Variants in DDX43 observed in about 807,000 individuals in gnomAD.
DDX43 encodes probable ATP-dependent RNA helicase DDX43.
Under a neutral mutation model 84.9 loss-of-function variants are expected in DDX43, and 50 were observed. The observed-to-expected ratio is 0.59, with a 90% CI of 0.47 to 0.75. The LOEUF is 0.75. DDX43 is among the 30% of genes least tolerant of loss of function. The probability of loss-of-function intolerance (pLI) is 0.00; values close to 1 mark genes in which losing one functional copy is unlikely to be tolerated. For missense variants in DDX43, 689 were observed against 798.6 expected (o/e 0.86, Z 1.65); for synonymous variants, 291 against 266.3 (o/e 1.09, Z -0.90).
At chr6:73,408,642 C>T (rs6927623) in intron 9 of DDX43, among the ~76,000 whole-genome samples, 21,512 of 151,518 alleles carry the variant, frequency 0.14, 1,757 homozygotes, top group Non-Finnish European at 0.19. Flanking sequence ...CTGCAACCTT[C>T]GCCTCCCAGG....
rs1390810824 is a variant in DDX43, at chr6:73,410,123, C to T, written c.1280+775C>T. Among the ~76,000 whole-genome samples, 5 of 152,118 alleles carry T rather than the reference C, an allele frequency of 3.3e-5. No individual in the cohort carries two copies. The East Asian group carries it at 7.7e-4, about 23-fold the overall frequency. ...TAAAATTTAAAAAATACAAAATCCC[C>T]TCACATAGTTTTATTACAAATAACC... On this transcript the variant is annotated intron_variant, in intron 10 of 16. Coordinates refer to ENST00000370336, the MANE Select transcript of DDX43 (RefSeq NM_018665.3).
At position 73,408,079 on chromosome 6, in the gene DDX43, A is replaced by G. The variant is rs765792006; in HGVS notation, c.1157A>G (p.Asn386Ser). 9 of 1,613,970 alleles carry G rather than the reference A, an allele frequency of 5.6e-6. No homozygotes were observed. Among genetic ancestry groups the G allele is most frequent in the Admixed American group, 1.7e-5 (1 of 59,998 alleles). Residue 386 changes from asparagine to serine, a missense_variant, in exon 9 of 17, where the codon AAT becomes AGT. Asn to Ser is a conservative substitution (Grantham distance 46). Around this residue, in one of 2 missense-constraint regions of DDX43, gnomAD observed 552 missense variants for 692.7 expected, o/e 0.80. Coordinates refer to ENST00000370336, the MANE Select transcript of DDX43 (RefSeq NM_018665.3). ...GATCTGCAAATGAGTAACTTCGTCAATCTGAAGAATATAACCTACTTGGTA... is the reference window on the plus strand; with the variant it reads ...GATCTGCAAATGAGTAACTTCGTCAGTCTGAAGAATATAACCTACTTGGTA... ...LNDLQMSNFV[N>S]LKNITYLVLD... is the part of the protein sequence containing the mutation.
intron 4 of DDX43, 137 bp downstream of exon 4, chr6:73,402,127 C>T: frequency 1.8e-6 from 2 of 1,084,324 alleles, no homozygotes; most frequent in Non-Finnish European, 1.3e-6. Context: ...GCAATTAGTC[C>T]CTAGGTTATG....
At position 73,415,483 on chromosome 6, in the gene DDX43, C is replaced by T. The variant is rs778363367; in HGVS notation, c.1746-14C>T. On this transcript the variant is annotated splice_polypyrimidine_tract_variant and intron_variant, in intron 14 of 16. Coordinates refer to ENST00000370336, the MANE Select transcript of DDX43 (RefSeq NM_018665.3). ...GAATAATGAATACATGAGTTTTTTT[C>T]CCCCACACTAAAGGAGGACTGGTGT... 2 of 1,588,574 alleles carry T rather than the reference C, an allele frequency of 1.3e-6. No homozygotes were observed. The highest frequency in any genetic ancestry group is 1.7e-5 in the Admixed American group (1 of 58,010).
intron 9 of DDX43, among the ~76,000 whole-genome samples, chr6:73,408,586 T>C (rs556902892): frequency 7.9e-4 from 120 of 152,212 alleles, no homozygotes; most frequent in Middle Eastern, 6.8e-3. Context: ...GACACAGTTT[T>C]GCTCTTGTTG....
intron 8 of DDX43, 122 bp downstream of exon 8, chr6:73,407,737 C>A: frequency 1.2e-6 from 1 of 811,468 alleles, no homozygotes; most frequent in Non-Finnish European, 2.0e-6. Context: ...ATGGGTCAGG[C>A]ATTTAGCACT....
chr6:73,398,847 T>A (rs1769518618), intron 2 of DDX43, among the ~76,000 whole-genome samples: 1 of 152,238 alleles, frequency 6.6e-6, no homozygotes, highest in South Asian at 2.1e-4. Context: ...CTTGTACTTC[T>A]CAAGGGGAAT....
intron 1 of DDX43, among the ~76,000 whole-genome samples, chr6:73,396,966 CTA>C (rs1769485628): frequency 6.6e-6 from 1 of 152,044 alleles, no homozygotes; most frequent in Non-Finnish European, 1.5e-5. Flanking sequence ...ATTAATCAGT[CTA>C]TGATAAATGG....
rs143446956 is a variant in DDX43 at position 73,401,998 on chromosome 6, C to G, written c.568+8C>G. Reference sequence around the variant, plus strand: ...AAAAAACAAAGTGGGCAGGTCAGTGCTGCTTCCTAATATTTACATATATTG... The same window carrying G: ...AAAAAACAAAGTGGGCAGGTCAGTGGTGCTTCCTAATATTTACATATATTG... On this transcript the variant is annotated splice_region_variant and intron_variant, in intron 4 of 16. Transcript: ENST00000370336. 1.1e-4 allele frequency: 175 copies of G among 1,613,338 alleles called. No individual in the cohort carries two copies. Among genetic ancestry groups the G allele is most frequent in the Admixed American group, 1.5e-4 (9 of 59,904 alleles).
rs1318499477 is a variant in DDX43, at chr6:73,401,975, A to G, written c.553A>G (p.Lys185Glu). 5 of 1,614,090 alleles carry G rather than the reference A, an allele frequency of 3.1e-6. No individual in the cohort carries two copies. Among genetic ancestry groups the G allele is most frequent in the Non-Finnish European group, 4.2e-6 (5 of 1,179,982 alleles). The change falls in exon 4 of 17, where the codon AAA becomes GAA. Residue 185 changes from lysine to glutamate, a missense_variant. Around this residue, in one of 2 missense-constraint regions of DDX43, gnomAD observed 552 missense variants for 692.7 expected, o/e 0.80. Transcript: ENST00000370336. ...QIREEGLKWQ[K>E]TKWADLPPIK... ...TAGAGAGGAAGGTTTGAAATGGCAA[A>G]AAACAAAGTGGGCAGGTCAGTGCTG...
rs187582589 is a variant in DDX43 at position 73,406,356 on chromosome 6, C to T, written c.808-8C>T. 1.4e-3 allele frequency: 2,198 copies of T among 1,576,834 alleles called. 23 individuals carry two copies. Among genetic ancestry groups the T allele is most frequent in the Non-Finnish European group, 7.2e-4 (824 of 1,148,448 alleles). On this transcript the variant is annotated splice_region_variant and splice_polypyrimidine_tract_variant and intron_variant, in intron 6 of 16. Coordinates refer to ENST00000370336, the MANE Select transcript of DDX43 (RefSeq NM_018665.3). ...CTTTTTGTGTTAATGTTTATCATTC[C>T]GTTTCAGTCACAGGCATGGCCCATT...
chr6:73,397,739 A>G lies in DDX43; in HGVS notation c.301A>G (p.Ile101Val), dbSNP rs1769500211. ...KNIQSTTNTT[I>V]QIIQEQPESL... is the part of the protein sequence containing the mutation. ...TATACAAAGTACAACAAACACCACA[A>G]TCCAAGTAAGCCATCTGTGTTTTTC... The change falls in exon 2 of 17, where the codon ATC becomes GTC. Residue 101 changes from isoleucine to valine, a missense_variant. Ile to Val is a conservative substitution (Grantham distance 29). Transcript: ENST00000370336. 6.2e-7 allele frequency: 1 copy of G among 1,613,696 alleles called. No individual in the cohort carries two copies. Among genetic ancestry groups the G allele is most frequent in the African/African-American group, 1.3e-5 (1 of 75,030 alleles).
At chr6:73,406,627 T>G (rs1582638679) in intron 7 of DDX43, 145 bp downstream of exon 7, 1 of 573,678 alleles carries the variant, frequency 1.7e-6, no homozygotes. Context: ...ACACTTAGAT[T>G]GTGCTGGTGA....
At chr6:73,416,373 C>T (rs1769899919) in intron 16 of DDX43, 122 bp downstream of exon 16, 7 of 546,734 alleles carry the variant, frequency 1.3e-5, no homozygotes, top group African/African-American at 3.8e-5. Flanking sequence ...AGGTGTTACT[C>T]ATATCTATTA....
intron 9 of DDX43, 91 bp downstream of exon 9, chr6:73,408,192 TG>T: frequency 7.3e-7 from 1 of 1,372,382 alleles, no homozygotes. Flanking sequence ...CCGAGCACTT[TG>T]GGAGGCCGAG....
In DDX43 at chr6:73,395,088, G is replaced by A. The variant is rs1306175631; in HGVS notation, c.183G>A (p.Val61=). The A allele has an allele frequency of 1.2e-6, 2 of 1,614,186 alleles. No homozygotes were observed. The highest frequency in any genetic ancestry group is 2.2e-5 in the East Asian group (1 of 44,878). ...WRGTSRPPEA[V]AAGHEELPLC... is the part of the protein sequence containing the mutation. ...GCACCTCTAGGCCCCCGGAGGCCGT[G>A]GCCGCTGGTCACGAGGAACTGCCGC... is the stretch of plus-strand genomic sequence containing the variant. The change falls in exon 1 of 17, where the codon GTG becomes GTA. Residue 61 remains valine (V), a synonymous_variant. Transcript: ENST00000370336.
rs559352434 is a variant in DDX43, at chr6:73,413,190, T to C, written c.1369-468T>C. Among the ~76,000 whole-genome samples, 64 of 152,178 alleles carry C rather than the reference T, an allele frequency of 4.2e-4. No homozygotes were observed. The South Asian group carries it at 0.013, about 31-fold the overall frequency. On this transcript the variant is annotated intron_variant, in intron 11 of 16. Coordinates refer to ENST00000370336, the MANE Select transcript of DDX43 (RefSeq NM_018665.3). ...TCAGTGGGAACCCTCCATTATAATA[T>C]AAAGTTCTCTTTCTGGCTTTTTGCT...
chr6:73,396,425 C>A (rs1315967903), intron 1 of DDX43, among the ~76,000 whole-genome samples: 1 of 152,104 alleles, frequency 6.6e-6, no homozygotes. Context: ...AGACTAATTG[C>A]TGTACTACCC....
intron 4 of DDX43, among the ~76,000 whole-genome samples, chr6:73,403,165 A>G (rs1020526519): frequency 2.0e-5 from 3 of 152,228 alleles, no homozygotes; most frequent in African/African-American, 7.2e-5. Flanking sequence ...GAGGTATAAT[A>G]AGCTTTTAAG....
Sources: allele counts gnomAD v4.1 joint callset (sites outside exome capture counted in the v4.1 genomes callset), GRCh38; gene constraint gnomAD v4.1.1; regional missense constraint gnomAD v4.1.1; transcripts MANE v1.5; gene names NCBI Gene and HGNC (gene_info 2026-07-23, HGNC 2026-07-21).